WDFY4: variants seen among roughly 807,000 people sequenced by gnomAD.
The protein encoded by WDFY4 is WD repeat- and FYVE domain-containing protein 4.
Under a neutral mutation model 351.9 loss-of-function variants are expected in WDFY4, and 169 were observed. The ratio of observed to expected loss-of-function variants is 0.48; its 90% CI spans 0.42 to 0.55. WDFY4 has a LOEUF of 0.55. Among genes scored for constraint, WDFY4 ranks in the 20% least tolerant of loss-of-function variants. The pLI, the probability that WDFY4 is intolerant of heterozygous loss-of-function variation, is 0.00. For synonymous variants in WDFY4, 1,622 were observed against 1,574.6 expected (o/e 1.03, Z -0.71); for missense variants, 3,803 against 3,935.6 (o/e 0.97, Z 0.90).
At chr10:48,801,648 C>T (rs2132841926) in intron 24 of WDFY4, 2 of 373,154 alleles carry the variant, frequency 5.4e-6, no homozygotes, top group East Asian at 8.0e-5. Flanking sequence ...GGAAATCTGT[C>T]ACTCTTTTCC....
intron 29 of WDFY4, 137 bp downstream of exon 29, chr10:48,810,872 C>T: frequency 1.1e-6 from 1 of 917,414 alleles, no homozygotes; most frequent in Non-Finnish European, 1.6e-6. Flanking sequence ...GACTCCAAGG[C>T]CTACATCCAA....
chr10:48,969,167 G>A lies in WDFY4; in HGVS notation c.8688G>A (p.Leu2896=). 1.3e-6 allele frequency: 2 copies of A among 1,551,744 alleles called. No individual in the cohort carries two copies. The highest frequency in any genetic ancestry group is 2.0e-5 in the Admixed American group (1 of 51,012). The change falls in exon 56 of 62, where the codon CTG becomes CTA. Residue 2896 remains leucine (L), a synonymous_variant. Coordinates refer to ENST00000325239, the MANE Select transcript of WDFY4 (RefSeq NM_001394531.1). ...TILAVERNKV[L]LPPLWNRTFS... ...TGGCTGTAGAGAGGAACAAAGTGCT[G>A]CTGCCTCCTCTCTGGAACAGGACCT...
At chr10:48,933,584 C>G (rs1404469603) in intron 47 of WDFY4, among the ~76,000 whole-genome samples, 1 of 152,166 alleles carries the variant, frequency 6.6e-6, no homozygotes. Context: ...CCAGGTCAAG[C>G]CCCATCCTTA....
intron 8 of WDFY4, 121 bp from the exon 9 acceptor site, chr10:48,730,989 T>C (rs1461976504): frequency 2.7e-6 from 3 of 1,119,344 alleles, no homozygotes; most frequent in African/African-American, 3.2e-5. Context: ...GATGGACATG[T>C]GCCCATAGGA....
At chr10:48,851,824 A>G (rs2068966773) in intron 39 of WDFY4, among the ~76,000 whole-genome samples, 1 of 152,040 alleles carries the variant, frequency 6.6e-6, no homozygotes, top group Non-Finnish European at 1.5e-5. Flanking sequence ...CTTAGAAGTG[A>G]CCCTCCATGG....
chr10:48,902,833 G>T (rs987273456), intron 47 of WDFY4, among the ~76,000 whole-genome samples: 6 of 152,084 alleles, frequency 3.9e-5, no homozygotes, highest in African/African-American at 1.4e-4. Flanking sequence ...TACTTGGCCG[G>T]GCGTGGTGGC....
chr10:48,976,803 A>C lies in WDFY4; in HGVS notation c.9115A>C (p.Ile3039Leu). The C allele has an allele frequency of 6.9e-7, 1 of 1,459,764 alleles. No homozygotes were observed. The highest frequency in any genetic ancestry group is 9.1e-7 in the Non-Finnish European group (1 of 1,097,030). The allele number at this position is 1,459,764 out of a possible 1,614,324, so 90.4% of individuals were successfully genotyped here. The change falls in exon 59 of 62, where the codon ATT (isoleucine) becomes CTT (leucine). Residue 3039 changes from isoleucine (I) to leucine (L), a missense_variant. This residue lies in a region of WDFY4 where 3,054 missense variants were observed against 3,148.6 expected (regional missense o/e 0.97). Transcript: ENST00000325239. Reference protein sequence around the residue: ...AITISDVSGTIVSCAGAHLSL... With the variant: ...AITISDVSGTLVSCAGAHLSL... ...GCCAGCTCTCACTGCACAGGGCACC[A>C]TTGTCTCCTGTGCGGGAGCACACTT... is the stretch of plus-strand genomic sequence containing the variant.
chr10:48,789,166 G>T (rs138994768), intron 21 of WDFY4, among the ~76,000 whole-genome samples: 6 of 151,950 alleles, frequency 3.9e-5, no homozygotes, highest in Admixed American at 3.9e-4. Context: ...ATTCACAGCA[G>T]CACCCAATAT....
intron 1 of WDFY4, among the ~76,000 whole-genome samples, chr10:48,709,513 C>T (rs1490404033): frequency 2.0e-5 from 3 of 152,188 alleles, no homozygotes; most frequent in Non-Finnish European, 2.9e-5. Flanking sequence ...GCTGGGCACA[C>T]ACTAGATTGT....
intron 47 of WDFY4, among the ~76,000 whole-genome samples, chr10:48,934,769 G>A (rs889543522): frequency 2.6e-5 from 4 of 152,186 alleles, no homozygotes; most frequent in African/African-American, 9.7e-5. Context: ...AGGGGTGACT[G>A]GTCGGGTGAA....
chr10:48,847,030 A>G (rs1332797769), intron 39 of WDFY4, among the ~76,000 whole-genome samples: 4 of 152,112 alleles, frequency 2.6e-5, no homozygotes, highest in Non-Finnish European at 5.9e-5. Flanking sequence ...AAGTTCCTAT[A>G]TTAGTTTCCT....
chr10:48,767,096 G>A (rs7075745), intron 13 of WDFY4, among the ~76,000 whole-genome samples: 5,942 of 152,286 alleles, frequency 0.039, 144 homozygotes, highest in Non-Finnish European at 0.044. Flanking sequence ...AGTGCATGAT[G>A]CAGTATCAAA....
At chr10:48,723,686 T>C (rs2064167714) in intron 5 of WDFY4, 119 bp downstream of exon 5, 2 of 1,374,536 alleles carry the variant, frequency 1.5e-6, no homozygotes. Flanking sequence ...ACTCCTCTGT[T>C]CTCCCAGAGG....
At chr10:48,963,741 A>C in intron 53 of WDFY4, 101 bp from the exon 54 acceptor site, 1 of 1,280,006 alleles carries the variant, frequency 7.8e-7, no homozygotes, top group Non-Finnish European at 1.1e-6. Context: ...TCCTCTGTGC[A>C]GGGCCAGCAC....
At chr10:48,850,104 C>A (rs1280140357) in intron 39 of WDFY4, among the ~76,000 whole-genome samples, 1 of 152,174 alleles carries the variant, frequency 6.6e-6, no homozygotes, top group Non-Finnish European at 1.5e-5. Context: ...ATAATGTCAT[C>A]ACTGCTGATG....
chr10:48,831,642 A>G (rs1446311449), intron 38 of WDFY4, among the ~76,000 whole-genome samples: 1 of 152,208 alleles, frequency 6.6e-6, no homozygotes, highest in Non-Finnish European at 1.5e-5. Context: ...ATGCTGCTAT[A>G]ACAAAATACC....
At chr10:48,841,008 A>C (rs772043836) in intron 39 of WDFY4, among the ~76,000 whole-genome samples, 65 of 152,232 alleles carry the variant, frequency 4.3e-4, no homozygotes, top group Non-Finnish European at 2.8e-4. Flanking sequence ...TGAAGTTGAC[A>C]TTATGTTCTA....
intron 39 of WDFY4, among the ~76,000 whole-genome samples, chr10:48,847,157 T>G (rs757745285): frequency 6.6e-6 from 1 of 152,152 alleles, no homozygotes; most frequent in Non-Finnish European, 1.5e-5. Context: ...TGGTTTCCCC[T>G]GAGGCCTCTT....
At chr10:48,714,565 G>A (rs931771211) in intron 2 of WDFY4, among the ~76,000 whole-genome samples, 3 of 152,178 alleles carry the variant, frequency 2.0e-5, no homozygotes, top group African/African-American at 7.2e-5. Flanking sequence ...CACACCAAGG[G>A]AAGAAGGTGT....
Sources: allele counts gnomAD v4.1 joint callset (sites outside exome capture counted in the v4.1 genomes callset), GRCh38; gene constraint gnomAD v4.1.1; regional missense constraint gnomAD v4.1.1; transcripts MANE v1.5; gene names NCBI Gene and HGNC (gene_info 2026-07-23, HGNC 2026-07-21).